Variants in APOBEC3G observed in about 807,000 individuals in gnomAD.
APOBEC3G encodes apolipoprotein B mRNA editing enzyme catalytic subunit 3G, also known as DNA dC->dU-editing enzyme APOBEC-3G.
In APOBEC3G, 44 loss-of-function variants were observed where a neutral mutation model predicts 50.0. That is an observed-to-expected ratio of 0.88 (90% CI 0.69 to 1.13). The LOEUF (loss-of-function observed/expected upper bound fraction) is 1.13. Among genes scored for constraint, APOBEC3G ranks in the 50% most tolerant of loss-of-function variants. The pLI is 0.00. For synonymous variants in APOBEC3G, 156 were observed against 175.3 expected, an observed-to-expected ratio of 0.89 and a Z score of 0.87; for missense variants, 469 against 492.0, an observed-to-expected ratio of 0.95 and a Z score of 0.44.
chr22:39,078,850 G>A (rs1928290487), intron 1 of APOBEC3G, 82 bp from the exon 2 acceptor site: 1 of 1,568,232 alleles, frequency 6.4e-7, no homozygotes, highest in African/African-American at 1.4e-5. Context: ...AGCCGTCCAG[G>A]GGGCTGTGTT....
chr22:39,081,474 T>A lies in APOBEC3G; in HGVS notation c.470T>A (p.Phe157Tyr), dbSNP rs1928451485. ...CGTTCTCTCTTCTTTTTCTTAGAATTTCAGCACTGTTGGAGCAAGTTCGTG... is the reference window on the plus strand; with the variant it reads ...CGTTCTCTCTTCTTTTTCTTAGAATATCAGCACTGTTGGAGCAAGTTCGTG... ...ATMKIMNYDE[F>Y]QHCWSKFVYS... Residue 157 changes from phenylalanine (F) to tyrosine (Y), a missense_variant, in exon 4 of 8, where the codon TTT becomes TAT. Phe to Tyr is a conservative substitution (Grantham distance 22). Transcript: ENST00000407997. The A allele has an allele frequency of 6.2e-7, 1 of 1,613,984 alleles. No individual in the cohort carries two copies. The highest frequency in any genetic ancestry group is 1.3e-5 in the African/African-American group (1 of 75,038).
chr22:39,085,812 G>A (rs1263056732), intron 5 of APOBEC3G, among the ~76,000 whole-genome samples: 16 of 151,952 alleles, frequency 1.1e-4, no homozygotes, highest in Non-Finnish European at 1.6e-4. Context: ...GCTTGAACCC[G>A]GGAGGTGGAG....
chr22:39,086,585 G>C lies in APOBEC3G; in HGVS notation c.1024+18G>C. 6.3e-7 allele frequency: 1 copy of C among 1,576,540 alleles called. No homozygotes were observed. The highest frequency in any genetic ancestry group is 8.6e-7 in the Non-Finnish European group (1 of 1,157,880). On this transcript the variant is annotated intron_variant, in intron 6 of 7. Coordinates refer to ENST00000407997, the MANE Select transcript of APOBEC3G (RefSeq NM_021822.4). ...ATACAGTGGTGAGAATGGAAGCCTG[G>C]AGTAGGATGGGGTCAGCCAGGGCAG...
rs773182222 is a variant in APOBEC3G, at chr22:39,078,997, C to T, written c.83C>T (p.Ser28Phe). Residue 28 changes from serine to phenylalanine, a missense_variant, in exon 2 of 8, where the codon TCT (serine) becomes TTT (phenylalanine). By Grantham distance (155) the Ser-to-Phe change is radical. Coordinates refer to ENST00000407997, the MANE Select transcript of APOBEC3G (RefSeq NM_021822.4). Reference protein sequence around the residue: ...SYNFYNRPILSRRNTVWLCYE... With the variant: ...SYNFYNRPILFRRNTVWLCYE... ...AACTTTTATAATAGACCCATCCTTT[C>T]TCGTCGGAATACCGTCTGGCTGTGC... 3 of 1,614,216 alleles carry T rather than the reference C, an allele frequency of 1.9e-6. No individual in the cohort carries two copies. Among genetic ancestry groups the T allele is most frequent in the South Asian group, 1.1e-5 (1 of 91,086 alleles).
chr22:39,086,228 C>T (rs190237279), intron 5 of APOBEC3G, 51 bp from the exon 6 acceptor site: 1 of 1,520,438 alleles, frequency 6.6e-7, no homozygotes, highest in Admixed American at 2.2e-5. Context: ...AAGAGTGAAA[C>T]TCTGTCTCAA....
intron 5 of APOBEC3G, among the ~76,000 whole-genome samples, chr22:39,085,931 G>C (rs1007769244): frequency 1.3e-5 from 2 of 152,122 alleles, no homozygotes; most frequent in African/African-American, 4.8e-5. Context: ...TTGATAACTG[G>C]GGTTTGGTGC....
chr22:39,087,547 G>C lies in APOBEC3G; in HGVS notation c.*126G>C. On this transcript the variant is annotated 3_prime_UTR_variant, in exon 8 of 8. Coordinates refer to ENST00000407997, the MANE Select transcript of APOBEC3G (RefSeq NM_021822.4). ...CCAGCTGATCACAGACACCAGCAAA[G>C]CAATGCACTCCTGACCAAGTAGATT... is the stretch of plus-strand genomic sequence containing the variant. 1 of 1,565,526 alleles carries C rather than the reference G, an allele frequency of 6.4e-7. No individual in the cohort carries two copies. The highest frequency in any genetic ancestry group is 8.8e-7 in the Non-Finnish European group (1 of 1,139,070).
chr22:39,081,040 C>T lies in APOBEC3G; in HGVS notation c.279C>T (p.Ser93=), dbSNP rs1420182757. The T allele has an allele frequency of 6.2e-7, 1 of 1,614,186 alleles. No homozygotes were observed. The highest frequency in any genetic ancestry group is 8.5e-7 in the Non-Finnish European group (1 of 1,180,026). The change falls in exon 3 of 8, where the codon TCC becomes TCT. Residue 93 remains serine, a synonymous_variant. Coordinates refer to ENST00000407997, the MANE Select transcript of APOBEC3G (RefSeq NM_021822.4). ...AGTATGAGGTCACCTGGTACATATC[C>T]TGGAGCCCCTGCACAAAGTGTACAA... ...DQEYEVTWYI[S]WSPCTKCTRD...
rs146102506 is a variant in APOBEC3G, at chr22:39,081,079, G to A, written c.318G>A (p.Thr106=). The stretch of plus-strand genomic sequence containing the variant: ...CAAAGTGTACAAGGGATATGGCCAC[G>A]TTCCTGGCCGAGGACCCGAAGGTTA... ...PCTKCTRDMA[T]FLAEDPKVTL... is the part of the protein sequence containing the mutation. The change falls in exon 3 of 8, where the codon ACG becomes ACA. Residue 106 remains threonine, a synonymous_variant. Transcript: ENST00000407997. The A allele has an allele frequency of 3.3e-4, 534 of 1,614,114 alleles. No homozygotes were observed. The highest frequency in any genetic ancestry group is 4.0e-4 in the Non-Finnish European group (474 of 1,180,042).
intron 5 of APOBEC3G, among the ~76,000 whole-genome samples, chr22:39,084,842 C>G (rs185822984): frequency 6.6e-6 from 1 of 152,248 alleles, no homozygotes; most frequent in Non-Finnish European, 1.5e-5. Flanking sequence ...GCCCTGAGCC[C>G]GAGGGACGTT....
In APOBEC3G at chr22:39,083,694, G is replaced by A. The variant is rs370686830; in HGVS notation, c.582-37G>A. 1.9e-4 allele frequency: 298 copies of A among 1,607,712 alleles called. No individual in the cohort carries two copies. In the African/African-American group the frequency reaches 3.6e-3, roughly 19 times the overall value. On this transcript the variant is annotated intron_variant, in intron 4 of 7. Transcript: ENST00000407997. ...AGGGGGAGGTGGGACAGACCAGGAG[G>A]GCTCTTACTCCTCTGGGCTTTTCCC... is the stretch of plus-strand genomic sequence containing the variant.
Position 39,083,898 on chromosome 22 carries a change from C to T in APOBEC3G, c.735+14C>T, listed in dbSNP as rs752409833. ...CTATGCAACCAGGTGACCAACCCAG[C>T]CACCCGCATCCAGGCAGGGCCCTCC... On this transcript the variant is annotated intron_variant, in intron 5 of 7. Coordinates refer to ENST00000407997, the MANE Select transcript of APOBEC3G (RefSeq NM_021822.4). 4.8e-5 allele frequency: 77 copies of T among 1,609,630 alleles called. No homozygotes were observed. Among genetic ancestry groups the T allele is most frequent in the Non-Finnish European group, 6.5e-5 (77 of 1,177,448 alleles).
chr22:39,079,315 C>T, intron 2 of APOBEC3G: 3 of 543,614 alleles, frequency 5.5e-6, no homozygotes, highest in Admixed American at 3.8e-5. Context: ...CTTTTCTTTT[C>T]TTTTTTCTTT....
intron 4 of APOBEC3G, among the ~76,000 whole-genome samples, 162 bp from the exon 5 acceptor site, chr22:39,083,569 C>A (rs2294367): frequency 1.3e-5 from 2 of 151,586 alleles, no homozygotes; most frequent in Non-Finnish European, 2.9e-5. Flanking sequence ...TTTGGAGGCT[C>A]TAGCAAGTGA....
intron 6 of APOBEC3G, 54 bp downstream of exon 6, chr22:39,086,621 C>T (rs565345332): frequency 1.9e-5 from 29 of 1,530,716 alleles, no homozygotes; most frequent in Admixed American, 4.1e-5. Context: ...GAGAGGGCCC[C>T]GGGAAGTTAC....
At position 39,083,799 on chromosome 22, in the gene APOBEC3G, A is replaced by C; in HGVS notation, c.650A>C (p.Glu217Ala). 1 of 1,614,038 alleles carries C rather than the reference A, an allele frequency of 6.2e-7. No individual in the cohort carries two copies. Residue 217 changes from glutamate (E) to alanine (A), a missense_variant, in exon 5 of 8, where the codon GAG becomes GCG. Transcript: ENST00000407997. ...NNEPWVRGRH[E>A]TYLCYEVERM... Reference sequence around the variant, plus strand: ...GAACCTTGGGTCAGAGGACGGCATGAGACTTACCTGTGTTATGAGGTGGAG... The same window carrying C: ...GAACCTTGGGTCAGAGGACGGCATGCGACTTACCTGTGTTATGAGGTGGAG...
chr22:39,078,918 T>C lies in APOBEC3G; in HGVS notation c.18-14T>C, dbSNP rs762962595. ...TGCTCTCTACATTGGCTGGTTTCTC[T>C]CTTGTGTCTTCAGAAACACAGTGGA... On this transcript the variant is annotated splice_polypyrimidine_tract_variant and intron_variant, in intron 1 of 7. Transcript: ENST00000407997. 6.2e-7 allele frequency: 1 copy of C among 1,613,258 alleles called. No individual in the cohort carries two copies. Among genetic ancestry groups the C allele is most frequent in the East Asian group, 2.2e-5 (1 of 44,878 alleles).
chr22:39,086,194 C>T (rs889400624), intron 5 of APOBEC3G, 85 bp from the exon 6 acceptor site: 10 of 1,451,672 alleles, frequency 6.9e-6, no homozygotes, highest in Non-Finnish European at 9.3e-6. Context: ...ATCCTAGCTA[C>T]TTGTACACTC....
In APOBEC3G at chr22:39,087,050, G is replaced by T. The variant is rs374686174; in HGVS notation, c.1064G>T (p.Gly355Val). 204 of 1,613,170 alleles carry T rather than the reference G, an allele frequency of 1.3e-4. No individual in the cohort carries two copies. The highest frequency in any genetic ancestry group is 1.7e-4 in the Non-Finnish European group (196 of 1,179,788). The change falls in exon 7 of 8, where the codon GGA becomes GTA. Residue 355 changes from glycine to valine, a missense_variant. Transcript: ENST00000407997. ...HCWDTFVDHQGCPFQPWDGLD... is the reference protein window; with the variant it reads ...HCWDTFVDHQVCPFQPWDGLD... ...TGGGACACCTTTGTGGACCACCAGG[G>T]ATGTCCCTTCCAGCCCTGGGATGGA...
Sources: gnomAD v4.1 joint callset for allele counts (sites outside exome capture counted in the v4.1 genomes callset) on GRCh38, gnomAD v4.1.1 for gene constraint, MANE v1.5 for transcripts, NCBI Gene and HGNC (gene_info 2026-07-23, HGNC 2026-07-21) for gene names.